The following PTPN13 variants were observed in gnomAD, a reference collection of about 807,000 sequenced individuals.
PTPN13 encodes protein tyrosine phosphatase non-receptor type 13.
A neutral mutation model predicts 284.0 loss-of-function variants in PTPN13; 191 were observed. The ratio of observed to expected loss-of-function variants is 0.67; its 90% CI spans 0.60 to 0.76. The LOEUF is 0.76. PTPN13 is among the 30% of genes least tolerant of loss of function. The pLI, the probability that PTPN13 is intolerant of heterozygous loss-of-function variation, is 0.00. For synonymous variants in PTPN13, 986 were observed against 1,022.3 expected (o/e 0.96, Z 0.68); for missense variants, 2,797 against 2,939.9 (o/e 0.95, Z 1.12).
At chr4:86,788,678 T>C (rs1249307231) in intron 40 of PTPN13, among the ~76,000 whole-genome samples, 1 of 152,192 alleles carries the variant, frequency 6.6e-6, no homozygotes, top group Non-Finnish European at 1.5e-5. Context: ...TATACATTAC[T>C]ATAAATTATT....
chr4:86,729,982 A>G (rs1283433314), intron 10 of PTPN13, among the ~76,000 whole-genome samples: 1 of 149,414 alleles, frequency 6.7e-6, no homozygotes, highest in Non-Finnish European at 1.5e-5. Flanking sequence ...TTGGTCTTTG[A>G]TGTTGGTGAC....
chr4:86,655,592 A>G (rs1189803482), intron 2 of PTPN13, among the ~76,000 whole-genome samples: 1 of 152,166 alleles, frequency 6.6e-6, no homozygotes, highest in Admixed American at 6.5e-5. Context: ...TGGCGTGTAG[A>G]GTTTCTGCTG....
intron 7 of PTPN13, among the ~76,000 whole-genome samples, chr4:86,715,938 A>G (rs1193851148): frequency 6.6e-6 from 1 of 152,204 alleles, no homozygotes; most frequent in African/African-American, 2.4e-5. Context: ...GCCCTCTTGT[A>G]CAGTGCACAC....
At chr4:86,754,621 C>T (rs1737770167) in intron 20 of PTPN13, among the ~76,000 whole-genome samples, 1 of 152,076 alleles carries the variant, frequency 6.6e-6, no homozygotes, top group African/African-American at 2.4e-5. Flanking sequence ...CTCTAATCTA[C>T]TCTTTAGACC....
chr4:86,766,463 T>C lies in PTPN13; in HGVS notation c.4275T>C (p.Ser1425=), dbSNP rs200453560. The part of the protein sequence containing the change: ...GDRVLAVNGV[S]LEGATHKQAV... ...GCGTCCTAGCTGTCAATGGAGTTAG[T>C]CTAGAAGGAGCCACCCATAAGCAAG... Residue 1425 remains serine, a synonymous_variant, in exon 27 of 48, where the codon AGT becomes AGC. Transcript: ENST00000411767. The C allele has an allele frequency of 3.1e-6, 5 of 1,610,274 alleles. No individual in the cohort carries two copies. Among genetic ancestry groups the C allele is most frequent in the African/African-American group, 2.7e-5 (2 of 74,854 alleles).
rs1480125548 is a variant in PTPN13, at chr4:86,780,448, G to A, written c.5938G>A (p.Ala1980Thr). The change falls in exon 36 of 48, where the codon GCT becomes ACT. Residue 1980 changes from alanine (A) to threonine (T), a missense_variant. Coordinates refer to ENST00000411767, the MANE Select transcript of PTPN13 (RefSeq NM_080683.3). Reference protein sequence around the residue: ...VPSSKRSAVSAPKSTKGNGSY... With the variant: ...VPSSKRSAVSTPKSTKGNGSY... ...CAGCTCAAAGAGGTCTGCTGTTTCA[G>A]CTCCAAAGTCAACCAAAGGCAATGG... is the stretch of plus-strand genomic sequence containing the variant. The A allele has an allele frequency of 1.9e-6, 3 of 1,610,118 alleles. No individual in the cohort carries two copies. Among genetic ancestry groups the A allele is most frequent in the East Asian group, 2.2e-5 (1 of 44,850 alleles).
At chr4:86,708,094 A>G (rs1731967748) in intron 7 of PTPN13, among the ~76,000 whole-genome samples, 1 of 152,168 alleles carries the variant, frequency 6.6e-6, no homozygotes, top group South Asian at 2.1e-4. Context: ...GCACAGTCCA[A>G]CTCAGTAGCT....
intron 7 of PTPN13, among the ~76,000 whole-genome samples, chr4:86,711,480 AT>A (rs1051594081): frequency 3.9e-5 from 6 of 152,020 alleles, no homozygotes; most frequent in African/African-American, 1.2e-4. Context: ...GTGACATCAC[AT>A]TTGGTGATGT....
At chr4:86,666,813 A>G (rs1411059182) in intron 2 of PTPN13, among the ~76,000 whole-genome samples, 1 of 152,118 alleles carries the variant, frequency 6.6e-6, no homozygotes, top group Non-Finnish European at 1.5e-5. Flanking sequence ...TATTATGCAA[A>G]TGGACTTTCC....
At chr4:86,597,818 A>G (rs1005700224) in intron 1 of PTPN13, among the ~76,000 whole-genome samples, 1 of 151,790 alleles carries the variant, frequency 6.6e-6, no homozygotes, top group Non-Finnish European at 1.5e-5. Flanking sequence ...TTTAAACCAT[A>G]AACTTCACAT....
chr4:86,805,856 A>T (rs1180420535), intron 44 of PTPN13, among the ~76,000 whole-genome samples: 1 of 152,130 alleles, frequency 6.6e-6, no homozygotes, highest in Non-Finnish European at 1.5e-5. Flanking sequence ...ACCAGAAGGG[A>T]ACAAAAGCAA....
chr4:86,723,556 G>A (rs1476246506), intron 10 of PTPN13, among the ~76,000 whole-genome samples: 1 of 152,136 alleles, frequency 6.6e-6, no homozygotes, highest in Non-Finnish European at 1.5e-5. Context: ...TAACATCCCT[G>A]CAGCTAACTC....
At chr4:86,756,091 C>A (rs1245031515) in intron 20 of PTPN13, among the ~76,000 whole-genome samples, 7 of 151,746 alleles carry the variant, frequency 4.6e-5, no homozygotes, top group Admixed American at 3.3e-4. Flanking sequence ...ATCCCAATTC[C>A]TGAACGGTGG....
At chr4:86,699,236 A>T (rs1040301963) in intron 6 of PTPN13, among the ~76,000 whole-genome samples, 1 of 151,898 alleles carries the variant, frequency 6.6e-6, no homozygotes, top group South Asian at 2.1e-4. Flanking sequence ...AAATACAAAA[A>T]CAAAATTAGC....
At chr4:86,616,623 A>T (rs1720575207) in intron 1 of PTPN13, among the ~76,000 whole-genome samples, 1 of 151,964 alleles carries the variant, frequency 6.6e-6, no homozygotes, top group Admixed American at 6.6e-5. Context: ...CTCTGGGTTC[A>T]TACGAGGTCA....
At chr4:86,599,585 C>T (rs962591004) in intron 1 of PTPN13, among the ~76,000 whole-genome samples, 4 of 152,100 alleles carry the variant, frequency 2.6e-5, no homozygotes, top group African/African-American at 7.2e-5. Context: ...TAGAACATTT[C>T]CTCATCACAG....
intron 23 of PTPN13, among the ~76,000 whole-genome samples, 195 bp downstream of exon 23, chr4:86,759,268 A>G (rs1430755072): frequency 2.6e-5 from 4 of 152,212 alleles, no homozygotes; most frequent in Non-Finnish European, 4.4e-5. Context: ...AGTTAATATT[A>G]CATAATAGTT....
At chr4:86,670,261 T>C (rs535463444) in intron 2 of PTPN13, among the ~76,000 whole-genome samples, 18 of 143,956 alleles carry the variant, frequency 1.3e-4, no homozygotes, top group Non-Finnish European at 2.4e-4. Flanking sequence ...TATCTGCAGT[T>C]GTGATCTTTA....
At chr4:86,630,349 G>A (rs1393827014) in intron 1 of PTPN13, among the ~76,000 whole-genome samples, 1 of 152,090 alleles carries the variant, frequency 6.6e-6, no homozygotes, top group African/African-American at 2.4e-5. Flanking sequence ...TCTCTTGTAT[G>A]TTCCAGTGGC....
Sources: allele counts gnomAD v4.1 joint callset (sites outside exome capture counted in the v4.1 genomes callset), GRCh38; gene constraint gnomAD v4.1.1; transcripts MANE v1.5; gene names NCBI Gene and HGNC (gene_info 2026-07-23, HGNC 2026-07-21).